The following HEATR3 variants were observed in gnomAD, a reference collection of about 807,000 sequenced individuals.
The protein encoded by HEATR3 is HEAT repeat-containing protein 3.
Under a neutral mutation model 72.8 loss-of-function variants are expected in HEATR3, and 56 were observed. The observed-to-expected ratio is 0.77, with a 90% CI of 0.62 to 0.96. The LOEUF is 0.96. Ranked by LOEUF, HEATR3 falls within the 40% of genes least tolerant of loss-of-function variation. The pLI is 0.00. For missense variants in HEATR3, 747 were observed against 831.4 expected (o/e 0.90, Z 1.25); for synonymous variants, 331 against 318.1 (o/e 1.04, Z -0.43).
intron 12 of HEATR3, among the ~76,000 whole-genome samples, chr16:50,096,581 G>A (rs781289704): frequency 6.6e-6 from 1 of 151,992 alleles, no homozygotes; most frequent in Non-Finnish European, 1.5e-5. Context: ...AGTGGACCAC[G>A]TAAGGTCTGG....
At chr16:50,079,075 C>T in intron 7 of HEATR3, 57 bp downstream of exon 7, 1 of 1,502,426 alleles carries the variant, frequency 6.7e-7, no homozygotes, top group Non-Finnish European at 8.9e-7. Flanking sequence ...TTTTTTCCAG[C>T]AGTTATCCTT....
rs1001035348 is a variant in HEATR3, at chr16:50,079,502, G to A, written c.1041+484G>A. The stretch of plus-strand genomic sequence containing the variant: ...GTTGGGTGACTGTGAGATGAATGAT[G>A]GTTTGTAGTTTTCTTGGAGTCGGTG... On this transcript the variant is annotated intron_variant, in intron 7 of 14. Coordinates refer to ENST00000299192, the MANE Select transcript of HEATR3 (RefSeq NM_182922.4). Among the ~76,000 whole-genome samples, 3 of 152,140 alleles carry A rather than the reference G, an allele frequency of 2.0e-5. 1 individual carries two copies. Among genetic ancestry groups the A allele is most frequent in the South Asian group, 4.1e-4 (2 of 4,828 alleles).
Position 50,105,294 on chromosome 16 carries a change from G to T in HEATR3, c.*233G>T. The T allele has an allele frequency of 2.5e-6, 1 of 401,992 alleles. No individual in the cohort carries two copies. The highest frequency in any genetic ancestry group is 4.5e-6 in the Non-Finnish European group (1 of 219,954). The allele number at this position is 401,992 out of a possible 1,614,324, so 24.9% of individuals were successfully genotyped here. ...AGGTCAGGAGTTTGAGGCCAGCCTG[G>T]CCAACATGGTGAAACCGCATGCATA... On this transcript the variant is annotated 3_prime_UTR_variant, in exon 15 of 15. Transcript: ENST00000299192.
intron 12 of HEATR3, among the ~76,000 whole-genome samples, chr16:50,097,195 G>C (rs945132885): frequency 6.6e-6 from 1 of 151,914 alleles, no homozygotes; most frequent in South Asian, 2.1e-4. Context: ...TTATAAAATA[G>C]TGATGCTGAG....
At chr16:50,076,336 C>T (rs763334086) in intron 6 of HEATR3, among the ~76,000 whole-genome samples, 46 of 151,062 alleles carry the variant, frequency 3.0e-4, no homozygotes, top group South Asian at 1.3e-3. Flanking sequence ...TACAAGCGTG[C>T]GCCACCACGC....
chr16:50,068,284 C>T (rs1396990863), intron 2 of HEATR3, among the ~76,000 whole-genome samples: 2 of 152,154 alleles, frequency 1.3e-5, no homozygotes, highest in Non-Finnish European at 2.9e-5. Context: ...CCCCACCTTG[C>T]TGCCCTTGCA....
Position 50,065,996 on chromosome 16 carries a change from G to C in HEATR3, c.-136G>C, listed in dbSNP as rs1480058230. 4 of 457,474 alleles carry C rather than the reference G, an allele frequency of 8.7e-6. No homozygotes were observed. The highest frequency in any genetic ancestry group is 1.2e-5 in the Non-Finnish European group (4 of 322,806). The allele number at this position is 457,474 out of a possible 1,614,324, so 28.3% of individuals were successfully genotyped here. Reference sequence around the variant, plus strand: ...GACGACGCGCCGTGCGCCTGCGCACGGCTTGCCCATGTGTGCTGCAGCCGT... The same window carrying C: ...GACGACGCGCCGTGCGCCTGCGCACCGCTTGCCCATGTGTGCTGCAGCCGT... On this transcript the variant is annotated 5_prime_UTR_variant, in exon 1 of 15. Transcript: ENST00000299192.
chr16:50,084,174 T>C lies in HEATR3; in HGVS notation c.1173T>C (p.Asp391=). ...AATGGGAAGAGCTTTCTAGCAGTGA[T>C]GAAAGTGACGCATTTATGGAGAATT... ...DDEWEELSSS[D]ESDAFMENSF... is the part of the protein sequence containing the mutation. Residue 391 remains aspartate (D), a synonymous_variant, in exon 9 of 15, where the codon GAT becomes GAC. Transcript: ENST00000299192. 1.2e-6 allele frequency: 2 copies of C among 1,614,190 alleles called. No homozygotes were observed. The highest frequency in any genetic ancestry group is 1.3e-5 in the African/African-American group (1 of 75,038).
At chr16:50,104,912 A>G in intron 14 of HEATR3, 27 bp from the exon 15 acceptor site, 3 of 1,556,286 alleles carry the variant, frequency 1.9e-6, no homozygotes, top group Non-Finnish European at 1.7e-6. Context: ...ACCAAGTCAT[A>G]TATGATTTTT....
rs1377295244 is a variant in HEATR3 at position 50,066,255 on chromosome 16, G to A, written c.124G>A (p.Glu42Lys). The stretch of plus-strand genomic sequence containing the variant: ...CGAGGAGGACGACGGGCCGGCGGCG[G>A]AGCTGCTGGAAAAGGTGAGGCGAGG... ...GGEEDDGPAA[E>K]LLEKLQHPSA... is the part of the protein sequence containing the mutation. Residue 42 changes from glutamate (E) to lysine (K), a missense_variant, in exon 1 of 15, where the codon GAG becomes AAG. Glu to Lys is a moderately conservative substitution (Grantham distance 56). Around this residue, in one of 2 missense-constraint regions of HEATR3, gnomAD observed 161 missense variants for 122.6 expected, o/e 1.31. Transcript: ENST00000299192. 2.6e-6 allele frequency: 4 copies of A among 1,564,722 alleles called. No individual in the cohort carries two copies. In the Admixed American group the frequency reaches 5.7e-5, roughly 22 times the overall value.
rs185967293 is a variant in HEATR3, at chr16:50,068,114, C to T, written c.312-666C>T. ...GCATGTGGAAAGCCCTTCCCTTCCT[C>T]CCACAGCATACAGAGGCTGGGGGAT... On this transcript the variant is annotated intron_variant, in intron 2 of 14. Coordinates refer to ENST00000299192, the MANE Select transcript of HEATR3 (RefSeq NM_182922.4). Among the ~76,000 whole-genome samples the T allele has an allele frequency of 8.1e-4, 123 of 152,202 alleles. 2 individuals carry two copies. The highest frequency in any genetic ancestry group is 2.7e-3 in the African/African-American group (111 of 41,520).
intron 12 of HEATR3, 39 bp downstream of exon 12, chr16:50,094,832 AT>A (rs1330949376): frequency 7.7e-6 from 10 of 1,291,988 alleles, no homozygotes; most frequent in Non-Finnish European, 1.1e-5. Context: ...ACTTGTAAAG[AT>A]TGTGTATTAT....
At chr16:50,103,331 A>G (rs2037409420) in intron 14 of HEATR3, among the ~76,000 whole-genome samples, 1 of 152,224 alleles carries the variant, frequency 6.6e-6, no homozygotes, top group African/African-American at 2.4e-5. Context: ...CTTTTATCAA[A>G]GGTATAAAGC....
intron 12 of HEATR3, among the ~76,000 whole-genome samples, chr16:50,098,104 C>G (rs1484792552): frequency 6.6e-6 from 1 of 151,892 alleles, no homozygotes; most frequent in Non-Finnish European, 1.5e-5. Flanking sequence ...TAAGTTTATC[C>G]TGATAATTTC....
intron 11 of HEATR3, among the ~76,000 whole-genome samples, chr16:50,094,388 A>G (rs1179868864): frequency 1.3e-5 from 2 of 152,232 alleles, no homozygotes; most frequent in Non-Finnish European, 2.9e-5. Flanking sequence ...TTCAGTCTGC[A>G]AAAGCTAGCT....
chr16:50,085,972 G>A (rs536707001), intron 10 of HEATR3, among the ~76,000 whole-genome samples: 13 of 151,968 alleles, frequency 8.6e-5, no homozygotes, highest in African/African-American at 2.7e-4. Flanking sequence ...AGGCTACAGC[G>A]AGCTGTGATC....
chr16:50,066,196 C>T lies in HEATR3; in HGVS notation c.65C>T (p.Ala22Val). 1 of 1,586,954 alleles carries T rather than the reference C, an allele frequency of 6.3e-7. No individual in the cohort carries two copies. Among genetic ancestry groups the T allele is most frequent in the African/African-American group, 1.4e-5 (1 of 74,034 alleles). Residue 22 changes from alanine (A) to valine (V), a missense_variant, in exon 1 of 15, where the codon GCC (alanine) becomes GTC (valine). Physicochemically the swap from Ala to Val is moderately conservative, Grantham distance 64. This residue lies in a region of HEATR3 where 161 missense variants were observed against 122.6 expected (regional missense o/e 1.31). Transcript: ENST00000299192. ...TTCTCCCCTACGGGCGACTGTCAGG[C>T]CGAGGCGGCTGCGGCGGCGAATGGG... ...PQFSPTGDCQ[A>V]EAAAAANGTG...
At chr16:50,090,356 A>AT (rs1417708624) in intron 11 of HEATR3, among the ~76,000 whole-genome samples, 1 of 152,124 alleles carries the variant, frequency 6.6e-6, no homozygotes, top group Non-Finnish European at 1.5e-5. Context: ...TCTTATCTCA[A>AT]TTAAAAAAAA....
At chr16:50,075,829 CT>C in intron 6 of HEATR3, 118 bp downstream of exon 6, 7 of 827,742 alleles carry the variant, frequency 8.5e-6, no homozygotes, top group Admixed American at 2.3e-5. Context: ...TTTATCTGTT[CT>C]GAAAATTTTA....
Sources: allele counts gnomAD v4.1 joint callset (sites outside exome capture counted in the v4.1 genomes callset), GRCh38; gene constraint gnomAD v4.1.1; regional missense constraint gnomAD v4.1.1; transcripts MANE v1.5; gene names NCBI Gene and HGNC (gene_info 2026-07-23, HGNC 2026-07-21).